MUC3A: variants seen among roughly 807,000 people sequenced by gnomAD.
MUC3A encodes the protein mucin 3A, cell surface associated, also known as mucin-3A.
A neutral mutation model predicts 109.0 loss-of-function variants in MUC3A; 109 were observed. That is an observed-to-expected ratio of 1.00 (90% CI 0.86 to 1.17). The LOEUF is 1.17. MUC3A is among the 50% of genes most tolerant of loss of function. The pLI is 0.00. For missense variants in MUC3A, 3,537 were observed against 2,469.4 expected (o/e 1.43, Z -9.16); for synonymous variants, 1,398 against 981.4 (o/e 1.42, Z -7.93).
rs1792140659 is a variant in MUC3A, at chr7:100,957,772, C to A, written c.5993C>A (p.Thr1998Lys). The A allele has an allele frequency of 9.9e-6, 11 of 1,113,876 alleles. No individual in the cohort carries two copies. Among genetic ancestry groups the A allele is most frequent in the Non-Finnish European group, 9.8e-6 (8 of 815,408 alleles). 69.0% of individuals were successfully genotyped at this position (1,113,876 alleles called of 1,614,324 possible). Reference protein sequence around the residue: ...STPSYTSLITTTTTTSHSTPS... With the variant: ...STPSYTSLITKTTTTSHSTPS... ...CCCAGCTACACTTCTTTGATCACCA[C>A]AACCACCACCACCTCACACAGTACT... The change falls in exon 2 of 12, where the codon ACA (threonine) becomes AAA (lysine). Residue 1998 changes from threonine to lysine, a missense_variant. Coordinates refer to ENST00000379458, the MANE Select transcript of MUC3A (RefSeq NM_005960.2).
In MUC3A at chr7:100,957,653, C is replaced by T; in HGVS notation, c.5874C>T (p.Phe1958=). The T allele has an allele frequency of 6.5e-7, 1 of 1,528,002 alleles. No homozygotes were observed. The highest frequency in any genetic ancestry group is 8.8e-7 in the Non-Finnish European group (1 of 1,141,436). The allele number at this position is 1,528,002 out of a possible 1,614,324, so 94.7% of individuals were successfully genotyped here. ...TKTTSHSSPS[F]TSSITTTETT... Reference sequence around the variant, plus strand: ...CCACCTCACACAGCTCTCCCAGCTTCACTTCTTCGATCACCACCACCGAGA... The same window carrying T: ...CCACCTCACACAGCTCTCCCAGCTTTACTTCTTCGATCACCACCACCGAGA... Residue 1958 remains phenylalanine (F), a synonymous_variant, in exon 2 of 12, where the codon TTC becomes TTT. Transcript: ENST00000379458.
chr7:100,964,103 G>A (rs28431403), intron 5 of MUC3A: 2,432 of 436,858 alleles, frequency 5.6e-3, no homozygotes, highest in African/African-American at 0.044. Context: ...GAGAACGCAC[G>A]TCTAGGGGCG....
In MUC3A at chr7:100,958,730, C is replaced by G. The variant is rs376696009; in HGVS notation, c.6951C>G (p.Thr2317=). 7.9e-7 allele frequency: 1 copy of G among 1,270,554 alleles called. No individual in the cohort carries two copies. Among genetic ancestry groups the G allele is most frequent in the Non-Finnish European group, 1.0e-6 (1 of 1,000,310 alleles). The allele number at this position is 1,270,554 out of a possible 1,614,324, so 78.7% of individuals were successfully genotyped here. The part of the protein sequence containing the change: ...FTSSITTTET[T]SHSAHSFTSS... ...CTTCGATCACCACCACGGAGACCAC[C>G]TCACACAGTGCTCACAGCTTCACTT... Residue 2317 remains threonine (T), a synonymous_variant, in exon 2 of 12, where the codon ACC becomes ACG. Transcript: ENST00000379458.
At position 100,959,445 on chromosome 7, in the gene MUC3A, A is replaced by C; in HGVS notation, c.7666A>C (p.Arg2556=). The change falls in exon 2 of 12, where the codon AGA becomes CGA. Residue 2556 remains arginine (R), a synonymous_variant. Coordinates refer to ENST00000379458, the MANE Select transcript of MUC3A (RefSeq NM_005960.2). ...CATGTCCACTGTGAGAATGACCCTC[A>C]GAATTACTGAGAACACCCCAATCAG... ...PTMSTVRMTL[R]ITENTPISSF... is the part of the protein sequence containing the mutation. 1 of 1,549,740 alleles carries C rather than the reference A, an allele frequency of 6.5e-7. No individual in the cohort carries two copies. Among genetic ancestry groups the C allele is most frequent in the East Asian group, 2.2e-5 (1 of 44,712 alleles).
In MUC3A at chr7:100,963,132, A is replaced by T; in HGVS notation, c.9053-19A>T. 1 of 1,596,384 alleles carries T rather than the reference A, an allele frequency of 6.3e-7. No individual in the cohort carries two copies. The highest frequency in any genetic ancestry group is 1.1e-5 in the South Asian group (1 of 90,352). On this transcript the variant is annotated intron_variant, in intron 3 of 11. Transcript: ENST00000379458. ...AAAGCAGACAGAGAAGTGACTGGGG[A>T]CATGCATGCTCTGTGTAGATGTAGT...
rs1297847726 is a variant in MUC3A at position 100,960,828 on chromosome 7, G to A, written c.8943G>A (p.Gln2981=). 6.3e-7 allele frequency: 1 copy of A among 1,598,420 alleles called. No homozygotes were observed. The highest frequency in any genetic ancestry group is 1.7e-5 in the Admixed American group (1 of 60,012). ...CLPGFSGDRC[Q]LQTRCQNGGQ... is the part of the protein sequence containing the mutation. ...CGGGGTTTTCTGGGGACCGCTGTCA[G>A]CTCCAGACCAGATGCCAGAATGGGG... is the stretch of plus-strand genomic sequence containing the variant. Residue 2981 remains glutamine, a synonymous_variant, in exon 3 of 12, where the codon CAG becomes CAA. Transcript: ENST00000379458.
intron 1 of MUC3A, among the ~76,000 whole-genome samples, chr7:100,951,372 C>G (rs76783748): frequency 0.18 from 21,915 of 124,492 alleles, no homozygotes; most frequent in African/African-American, 0.19. Context: ...CTCTCTTTTT[C>G]TCTTTGAAAG....
intron 1 of MUC3A, among the ~76,000 whole-genome samples, 162 bp downstream of exon 1, chr7:100,949,847 G>A (rs937294381): frequency 2.2e-4 from 5 of 22,940 alleles, no homozygotes; most frequent in African/African-American, 8.7e-4. Flanking sequence ...ACTGGGGGAG[G>A]GGGCGGTGAG....
chr7:100,951,874 T>C lies in MUC3A; in HGVS notation c.95T>C (p.Val32Ala). 1 of 1,598,286 alleles carries C rather than the reference T, an allele frequency of 6.3e-7. No homozygotes were observed. ...TLSTATSISQ[V>A]PFPRAEAASA... is the part of the protein sequence containing the mutation. ...TCCACGGCCACATCCATCTCTCAAGTGCCTTTCCCCAGAGCAGAAGCAGCC... is the reference window on the plus strand; with the variant it reads ...TCCACGGCCACATCCATCTCTCAAGCGCCTTTCCCCAGAGCAGAAGCAGCC... Residue 32 changes from valine (V) to alanine (A), a missense_variant, in exon 2 of 12, where the codon GTG (valine) becomes GCG (alanine). Physicochemically the swap from Val to Ala is moderately conservative, Grantham distance 64 (BLOSUM62 0). Transcript: ENST00000379458.
Position 100,967,897 on chromosome 7 carries a change from GCTCTC to G in MUC3A, c.*736_*740del. On this transcript the variant is annotated 3_prime_UTR_variant, in exon 12 of 12. Transcript: ENST00000379458. The stretch of plus-strand genomic sequence containing the variant: ...CGTTGCCCAGTTCCCCGTTTCTCTT[GCTCTC>G]ATTCCTTGTATCTTCTCCCTTCTGA... 1 of 159,012 alleles carries G rather than the reference GCTCTC, an allele frequency of 6.3e-6. No homozygotes were observed. Among genetic ancestry groups the G allele is most frequent in the African/African-American group, 2.4e-5 (1 of 41,506 alleles). 9.9% of individuals were successfully genotyped at this position (159,012 alleles called of 1,614,324 possible). A position where few individuals can be genotyped will look rare whatever the true frequency, so the allele number is the denominator to read the frequency against.
rs553743530 is a variant in MUC3A, at chr7:100,958,582, A to G, written c.6803A>G (p.His2268Arg). Residue 2268 changes from histidine to arginine, a missense_variant, in exon 2 of 12, where the codon CAT becomes CGT. Transcript: ENST00000379458. ...ATCACCACCACTGAGACCACCTCAC[A>G]TGATACTCCCAGCTTCACTTCTTCA... The part of the protein sequence containing the change: ...SSITTTETTS[H>R]DTPSFTSSIT... The G allele has an allele frequency of 9.2e-6, 13 of 1,417,480 alleles. No individual in the cohort carries two copies. Among genetic ancestry groups the G allele is most frequent in the Admixed American group, 8.5e-5 (5 of 58,704 alleles). 87.8% of individuals were successfully genotyped at this position (1,417,480 alleles called of 1,614,324 possible).
rs543674678 is a variant in MUC3A at position 100,958,684 on chromosome 7, A to G, written c.6905A>G (p.His2302Arg). Reference sequence around the variant, plus strand: ...ATCACCACCACCAAGACCACCTCACACAGTACTCCCAGCTTCACTTCTTCG... The same window carrying G: ...ATCACCACCACCAAGACCACCTCACGCAGTACTCCCAGCTTCACTTCTTCG... ...SLITTTKTTS[H>R]STPSFTSSIT... Residue 2302 changes from histidine to arginine, a missense_variant, in exon 2 of 12, where the codon CAC (histidine) becomes CGC (arginine). By Grantham distance (29) the His-to-Arg change is conservative. Coordinates refer to ENST00000379458, the MANE Select transcript of MUC3A (RefSeq NM_005960.2). The G allele has an allele frequency of 3.8e-6, 6 of 1,583,330 alleles. No homozygotes were observed. Among genetic ancestry groups the G allele is most frequent in the African/African-American group, 1.3e-5 (1 of 74,178 alleles).
rs916643918 is a variant in MUC3A, at chr7:100,959,790, A to C, written c.8011A>C (p.Asn2671His). 1 of 1,595,584 alleles carries C rather than the reference A, an allele frequency of 6.3e-7. No individual in the cohort carries two copies. The highest frequency in any genetic ancestry group is 1.1e-5 in the South Asian group (1 of 90,438). ...TTTCACTAGGGGAAGTACGTCTACA[A>C]ATGCAATCTTGACTTCTTTTAGTAC... is the stretch of plus-strand genomic sequence containing the variant. The part of the protein sequence containing the change: ...ESFTRGSTST[N>H]AILTSFSTII... The change falls in exon 2 of 12, where the codon AAT becomes CAT. Residue 2671 changes from asparagine to histidine, a missense_variant. By Grantham distance (68) the Asn-to-His change is moderately conservative (BLOSUM62 1). Transcript: ENST00000379458.
chr7:100,963,671 G>A lies in MUC3A; in HGVS notation c.9169-17G>A. 3.1e-6 allele frequency: 5 copies of A among 1,598,432 alleles called. No individual in the cohort carries two copies. Among genetic ancestry groups the A allele is most frequent in the Non-Finnish European group, 4.2e-6 (5 of 1,179,742 alleles). ...CTGCAGGTTCGGACGTGAGCCCAGGGATCCTTGGTGTTTCAGATGCAGAAG... is the reference window on the plus strand; with the variant it reads ...CTGCAGGTTCGGACGTGAGCCCAGGAATCCTTGGTGTTTCAGATGCAGAAG... On this transcript the variant is annotated splice_polypyrimidine_tract_variant and intron_variant, in intron 4 of 11. Coordinates refer to ENST00000379458, the MANE Select transcript of MUC3A (RefSeq NM_005960.2).
rs1792164141 is a variant in MUC3A at position 100,958,455 on chromosome 7, A to T, written c.6676A>T (p.Ile2226Phe). The T allele has an allele frequency of 3.4e-6, 5 of 1,483,890 alleles. No individual in the cohort carries two copies. In the African/African-American group the frequency reaches 6.9e-5, roughly 21 times the overall value. The allele number at this position is 1,483,890 out of a possible 1,614,324, so 91.9% of individuals were successfully genotyped here. The change falls in exon 2 of 12, where the codon ATC (isoleucine) becomes TTC (phenylalanine). Residue 2226 changes from isoleucine (I) to phenylalanine (F), a missense_variant. Transcript: ENST00000379458. ...CAGTACTCCCAGCTTCAGTTCTTCG[A>T]TCACCACCACTGAGACCACATCCCA... is the stretch of plus-strand genomic sequence containing the variant. ...SSSTPSFSSS[I>F]TTTETTSHST...
Position 100,958,798 on chromosome 7 carries a change from G to A in MUC3A, c.7019G>A (p.Ser2340Asn). The A allele has an allele frequency of 8.1e-7, 1 of 1,230,876 alleles. No individual in the cohort carries two copies. The highest frequency in any genetic ancestry group is 1.0e-6 in the Non-Finnish European group (1 of 977,900). The allele number at this position is 1,230,876 out of a possible 1,614,324, so 76.2% of individuals were successfully genotyped here. ...GAGACCACCTCACACAATACTCGCA[G>A]CTTCACTTCTTCGATCACCACCACC... ...TTETTSHNTR[S>N]FTSSITTTET... Residue 2340 changes from serine to asparagine, a missense_variant, in exon 2 of 12, where the codon AGC becomes AAC. By Grantham distance (46) the Ser-to-Asn change is conservative (BLOSUM62 1). Coordinates refer to ENST00000379458, the MANE Select transcript of MUC3A (RefSeq NM_005960.2).
chr7:100,959,572 C>T lies in MUC3A; in HGVS notation c.7793C>T (p.Thr2598Ile), dbSNP rs1435137079. ...TGTQTSPAPT[T>I]VTFGSTDSST... is the part of the protein sequence containing the mutation. ...ACCCAAACATCTCCTGCACCTACTA[C>T]TGTCACCTTTGGAAGTACGGATTCC... Residue 2598 changes from threonine to isoleucine, a missense_variant, in exon 2 of 12, where the codon ACT becomes ATT. Coordinates refer to ENST00000379458, the MANE Select transcript of MUC3A (RefSeq NM_005960.2). The T allele has an allele frequency of 1.3e-6, 2 of 1,594,946 alleles. No homozygotes were observed. Among genetic ancestry groups the T allele is most frequent in the Non-Finnish European group, 1.7e-6 (2 of 1,177,898 alleles).
At chr7:100,967,015 G>C (rs1792607520) in intron 11 of MUC3A, 64 bp downstream of exon 11, 1 of 1,598,498 alleles carries the variant, frequency 6.3e-7, no homozygotes, top group South Asian at 1.1e-5. Flanking sequence ...ATCCCTCCCC[G>C]ACCCCCACCA....
intron 5 of MUC3A, 121 bp downstream of exon 5, chr7:100,963,873 T>C: frequency 7.1e-7 from 1 of 1,411,720 alleles, no homozygotes; most frequent in Non-Finnish European, 9.7e-7. Context: ...AGGGGGTACA[T>C]AAGGAATCAC....
Sources: gnomAD v4.1 joint callset for allele counts (sites outside exome capture counted in the v4.1 genomes callset) on GRCh38, gnomAD v4.1.1 for gene constraint, MANE v1.5 for transcripts, NCBI Gene and HGNC (gene_info 2026-07-23, HGNC 2026-07-21) for gene names.